AMACR: variants seen among roughly 807,000 people sequenced by gnomAD.
AMACR encodes the protein alpha-methylacyl-CoA racemase, also known as 2-methylacyl-CoA racemase.
Under a neutral mutation model 22.2 loss-of-function variants are expected in AMACR, and 18 were observed. The ratio of observed to expected loss-of-function variants is 0.81; its 90% CI spans 0.56 to 1.20. The LOEUF (loss-of-function observed/expected upper bound fraction) is 1.20. AMACR is among the 50% of genes most tolerant of loss of function. AMACR has a pLI of 0.00. For synonymous variants in AMACR, 213 were observed against 191.3 expected (o/e 1.11, Z -0.94); for missense variants, 499 against 490.6 (o/e 1.02, Z -0.16).
At chr5:34,006,020 C>T in intron 1 of AMACR, 121 bp from the exon 2 acceptor site, 2 of 1,207,822 alleles carry the variant, frequency 1.7e-6, no homozygotes, top group Non-Finnish European at 2.4e-6. Flanking sequence ...TTGCTGTAGG[C>T]TAATGGCATG....
chr5:34,000,007 T>C (rs1268081501), intron 3 of AMACR, among the ~76,000 whole-genome samples: 1 of 152,256 alleles, frequency 6.6e-6, no homozygotes, highest in Non-Finnish European at 1.5e-5. Context: ...AGCACATATT[T>C]AAATGTATCC....
chr5:33,992,822 T>C (rs1753524633), intron 4 of AMACR, among the ~76,000 whole-genome samples: 1 of 152,170 alleles, frequency 6.6e-6, no homozygotes, highest in African/African-American at 2.4e-5. Flanking sequence ...AATTTTCCCT[T>C]CTTACTTTTT....
intron 4 of AMACR, chr5:33,997,859 C>A (rs1001093562): frequency 3.1e-6 from 1 of 325,778 alleles, no homozygotes; most frequent in Non-Finnish European, 5.5e-6. Flanking sequence ...TAAAAAAAGT[C>A]ATTCCAGCTA....
At position 33,998,820 on chromosome 5, in the gene AMACR, C is replaced by A; in HGVS notation, c.560G>T (p.Gly187Val). 6.2e-7 allele frequency: 1 copy of A among 1,613,932 alleles called. No individual in the cohort carries two copies. The highest frequency in any genetic ancestry group is 1.1e-5 in the South Asian group (1 of 91,068). ...CAGAAAAGAACTTAAATATGCTGTT[C>A]CTTCCACCTTTGAGAAAACAGAATA... ...GQVIDANMVE[G>V]TAYLSSFLWK... Residue 187 changes from glycine to valine, a missense_variant, in exon 4 of 5, where the codon GGA becomes GTA. Physicochemically the swap from Gly to Val is moderately radical, Grantham distance 109 (BLOSUM62 -3). Transcript: ENST00000335606.
intron 3 of AMACR, among the ~76,000 whole-genome samples, chr5:34,000,395 GT>G (rs1300092871): frequency 1.3e-5 from 2 of 152,170 alleles, no homozygotes; most frequent in African/African-American, 4.8e-5. Flanking sequence ...AATGTGAGAA[GT>G]TTTTACACAC....
At chr5:33,996,912 C>A in intron 4 of AMACR, 1 of 408,526 alleles carries the variant, frequency 2.4e-6, no homozygotes, top group Non-Finnish European at 4.4e-6. Flanking sequence ...AATCATTAAA[C>A]AAACAGCAAC....
intron 4 of AMACR, among the ~76,000 whole-genome samples, chr5:33,994,485 A>G (rs1027762618): frequency 6.6e-6 from 1 of 152,154 alleles, no homozygotes; most frequent in African/African-American, 2.4e-5. Context: ...GCCCTCAAAA[A>G]ATTACTACAG....
In AMACR at chr5:33,988,111, G is replaced by A. The variant is rs16892066; in HGVS notation, c.*982C>T. 0.02 allele frequency: 10,556 copies of A among 516,880 alleles called. 612 individuals carry two copies. The highest frequency in any genetic ancestry group is 0.16 in the East Asian group (5,348 of 33,026). The allele number at this position is 516,880 out of a possible 1,614,324, so 32.0% of individuals were successfully genotyped here. ...CATTCTCTACTCCCTCTACTCTGAT[G>A]GCACCCGGATTAGATTGTGGAATCT... On this transcript the variant is annotated 3_prime_UTR_variant, in exon 5 of 5. Coordinates refer to ENST00000335606, the MANE Select transcript of AMACR (RefSeq NM_014324.6).
At chr5:34,006,410 G>C (rs1006056137) in intron 1 of AMACR, among the ~76,000 whole-genome samples, 1 of 152,180 alleles carries the variant, frequency 6.6e-6, no homozygotes, top group Admixed American at 6.5e-5. Context: ...AATAGCACCT[G>C]AGAGTTTTTA....
intron 4 of AMACR, chr5:33,997,464 G>T: frequency 1.3e-6 from 1 of 779,266 alleles, no homozygotes; most frequent in Non-Finnish European, 2.4e-6. Context: ...GGTTTGCCTT[G>T]CCTGGCACGA....
At chr5:34,004,229 C>CT (rs1407158162) in intron 3 of AMACR, among the ~76,000 whole-genome samples, 25 of 152,136 alleles carry the variant, frequency 1.6e-4, no homozygotes, top group Admixed American at 1.6e-3. Context: ...AAATGATATA[C>CT]TAAGCACAAG....
At chr5:34,004,436 A>G in intron 3 of AMACR, 138 bp downstream of exon 3, 2 of 1,105,904 alleles carry the variant, frequency 1.8e-6, no homozygotes, top group Non-Finnish European at 2.7e-6. Flanking sequence ...TTTAAAAAGA[A>G]AAGGATATCC....
intron 4 of AMACR, chr5:33,997,166 T>A (rs1753663747): frequency 5.4e-6 from 4 of 747,040 alleles, no homozygotes; most frequent in Non-Finnish European, 9.9e-6. Flanking sequence ...GTCTTAGCAA[T>A]TCTGCTGTTT....
rs1425606378 is a variant in AMACR at position 33,987,512 on chromosome 5, A to G, written c.*1581T>C. The G allele has an allele frequency of 6.6e-6, 1 of 152,262 alleles. No homozygotes were observed. The highest frequency in any genetic ancestry group is 1.5e-5 in the Non-Finnish European group (1 of 68,040). 9.4% of individuals were successfully genotyped at this position (152,262 alleles called of 1,614,324 possible). A position where few individuals can be genotyped will look rare whatever the true frequency, so the allele number is the denominator to read the frequency against. On this transcript the variant is annotated 3_prime_UTR_variant, in exon 5 of 5. Coordinates refer to ENST00000335606, the MANE Select transcript of AMACR (RefSeq NM_014324.6). ...ACACACAAACACAATGAAACTCAAC[A>G]TCTGTCAGACATCACGTGAACTACT... is the stretch of plus-strand genomic sequence containing the variant.
rs755875847 is a variant in AMACR at position 33,988,346 on chromosome 5, A to G, written c.*747T>C. ...TTGCTGTGTGTTGGGTATAAGATCC[A>G]GAACTTGCTACCAGCCTGAGGAGAA... On this transcript the variant is annotated 3_prime_UTR_variant, in exon 5 of 5. Transcript: ENST00000335606. The G allele has an allele frequency of 6.5e-7, 1 of 1,541,678 alleles. No individual in the cohort carries two copies. The highest frequency in any genetic ancestry group is 1.9e-5 in the Admixed American group (1 of 51,386).
rs73077189 is a variant in AMACR, at chr5:34,006,470, C to A, written c.248-571G>T. The stretch of plus-strand genomic sequence containing the variant: ...TAGCACAAACCCCAGGTAACCAGCA[C>A]CTGAAATTTCCTGGGATTAAAAGTA... On this transcript the variant is annotated intron_variant, in intron 1 of 4. Transcript: ENST00000335606. Among the ~76,000 whole-genome samples, 990 of 152,282 alleles carry A rather than the reference C, an allele frequency of 6.5e-3. 6 individuals carry two copies. The highest frequency in any genetic ancestry group is 0.023 in the African/African-American group (963 of 41,538).
chr5:34,001,652 C>G (rs992687926), intron 3 of AMACR, among the ~76,000 whole-genome samples: 1 of 152,218 alleles, frequency 6.6e-6, no homozygotes, highest in African/African-American at 2.4e-5. Flanking sequence ...AGTGTAAATA[C>G]AGCAAAACGC....
intron 4 of AMACR, among the ~76,000 whole-genome samples, chr5:33,996,797 A>AC (rs1374708579): frequency 6.7e-6 from 1 of 150,246 alleles, no homozygotes; most frequent in African/African-American, 2.4e-5. Context: ...CAAGCAAACA[A>AC]AAAAAAAAGG....
intron 3 of AMACR, among the ~76,000 whole-genome samples, chr5:34,000,276 A>G (rs76777704): frequency 6.6e-6 from 1 of 152,206 alleles, no homozygotes; most frequent in Non-Finnish European, 1.5e-5. Flanking sequence ...CGCCGAATCA[A>G]TAGGGCGGTA....
Sources: gnomAD v4.1 joint callset for allele counts (sites outside exome capture counted in the v4.1 genomes callset) on GRCh38, gnomAD v4.1.1 for gene constraint, MANE v1.5 for transcripts, NCBI Gene and HGNC (gene_info 2026-07-23, HGNC 2026-07-21) for gene names.